The following PRPF31 variants were observed in gnomAD, a reference collection of about 807,000 sequenced individuals.
PRPF31 encodes U4/U6 small nuclear ribonucleoprotein Prp31.
A neutral mutation model predicts 60.4 loss-of-function variants in PRPF31; 12 were observed. The ratio of observed to expected loss-of-function variants is 0.20; its 90% CI spans 0.13 to 0.32. The LOEUF (loss-of-function observed/expected upper bound fraction) is 0.32, where lower values mean the gene tolerates loss of function less well. PRPF31 is among the 10% of genes least tolerant of loss of function. The probability of loss-of-function intolerance (pLI) is 1.00; values close to 1 mark genes in which losing one functional copy is unlikely to be tolerated. For missense variants in PRPF31, 431 were observed against 687.1 expected (o/e 0.63, Z 4.17); for synonymous variants, 287 against 287.9 (o/e 1.00, Z 0.03).
At chr19:54,126,254 GTC>G (rs1349770129) in intron 8 of PRPF31, among the ~76,000 whole-genome samples, 1 of 152,190 alleles carries the variant, frequency 6.6e-6, no homozygotes, top group Non-Finnish European at 1.5e-5. Context: ...TCCCCCCGGC[GTC>G]TCCACAGTCA....
intron 6 of PRPF31, 47 bp from the exon 7 acceptor site, chr19:54,123,702 C>A (rs1180025185): frequency 6.3e-7 from 1 of 1,593,888 alleles, no homozygotes. Flanking sequence ...GCTGGGCACA[C>A]CAGGCAGGCG....
intron 13 of PRPF31, among the ~76,000 whole-genome samples, chr19:54,130,636 AAAG>A (rs1473599465): frequency 2.0e-5 from 3 of 150,548 alleles, no homozygotes; most frequent in Non-Finnish European, 3.0e-5. Flanking sequence ...AAAAAAAAAA[AAAG>A]AAGGCAGAAA....
chr19:54,125,100 AG>A (rs2073888008), intron 8 of PRPF31: 1 of 258,518 alleles, frequency 3.9e-6, no homozygotes, highest in Non-Finnish European at 7.7e-6. Flanking sequence ...GACACACAGG[AG>A]GGGCAGGAGA....
At chr19:54,116,202 GTTGT>G (rs587659090) in intron 1 of PRPF31, among the ~76,000 whole-genome samples, 13 of 142,598 alleles carry the variant, frequency 9.1e-5, no homozygotes, top group South Asian at 2.3e-4. Flanking sequence ...CGCCTGGCCA[GTTGT>G]TTGTTTGTTT....
At chr19:54,122,433 T>TAGGGCCAACCAGCAG in intron 4 of PRPF31, 64 bp from the exon 5 acceptor site, 1 of 1,263,358 alleles carries the variant, frequency 7.9e-7, no homozygotes, top group Non-Finnish European at 1.2e-6. Context: ...ACATGGGTGT[T>TAGGGCCAACCAGCAG]AGGGCCAACC....
chr19:54,118,514 G>A (rs1371103929), intron 2 of PRPF31, 59 bp downstream of exon 2: 8 of 1,613,682 alleles, frequency 5.0e-6, no homozygotes, highest in Non-Finnish European at 3.4e-6. Context: ...CCAGAAGGGG[G>A]TGATACAGGC....
chr19:54,120,983 G>A (rs1321719908), intron 3 of PRPF31, among the ~76,000 whole-genome samples: 3 of 152,096 alleles, frequency 2.0e-5, no homozygotes, highest in Non-Finnish European at 4.4e-5. Context: ...CTGGGGAGAG[G>A]GAGCAGCACA....
At chr19:54,121,302 TCAA>T (rs2073782007) in intron 3 of PRPF31, among the ~76,000 whole-genome samples, 1 of 44,412 alleles carries the variant, frequency 2.3e-5, no homozygotes, top group Admixed American at 2.5e-4. Context: ...AAATTATGTC[TCAA>T]AAAAAAAAAA....
At chr19:54,118,746 T>C in intron 3 of PRPF31, 113 bp downstream of exon 3, 1 of 1,064,714 alleles carries the variant, frequency 9.4e-7, no homozygotes. Context: ...TTCCAGAGCC[T>C]TCTTTTTTTT....
At chr19:54,128,582 G>A (rs1326699828) in intron 11 of PRPF31, among the ~76,000 whole-genome samples, 4 of 143,046 alleles carry the variant, frequency 2.8e-5, no homozygotes, top group African/African-American at 5.1e-5. Context: ...CTGTGTCTCC[G>A]CTGCTTAGAG....
chr19:54,116,051 C>T (rs1477053992), intron 1 of PRPF31, among the ~76,000 whole-genome samples: 1 of 151,030 alleles, frequency 6.6e-6, no homozygotes, highest in Non-Finnish European at 1.5e-5. Flanking sequence ...TACAGGCGCC[C>T]GCCACCACCC....
chr19:54,129,109 G>A lies in PRPF31; in HGVS notation c.1199G>A (p.Gly400Asp). 1 of 1,581,584 alleles carries A rather than the reference G, an allele frequency of 6.3e-7. No individual in the cohort carries two copies. The highest frequency in any genetic ancestry group is 8.6e-7 in the Non-Finnish European group (1 of 1,164,790). The change falls in exon 12 of 14, where the codon GGC (glycine) becomes GAC (aspartate). Residue 400 changes from glycine (G) to aspartate (D), a missense_variant. Physicochemically the swap from Gly to Asp is moderately conservative, Grantham distance 94. Coordinates refer to ENST00000321030, the MANE Select transcript of PRPF31 (RefSeq NM_015629.4). ...CTGGGATTCAGCCTGGGCCACCTGG[G>A]CAAGTCGGGCAGTGGGCGTGTGCGG... Reference protein sequence around the residue: ...EDLGFSLGHLGKSGSGRVRQT... With the variant: ...EDLGFSLGHLDKSGSGRVRQT...
chr19:54,128,501 C>CG, intron 11 of PRPF31, 124 bp downstream of exon 11: 3 of 978,996 alleles, frequency 3.1e-6, no homozygotes, highest in Non-Finnish European at 3.1e-6. Context: ...CTGCCCCAGC[C>CG]TCCCCCCCCC....
At chr19:54,116,485 C>T (rs192712774) in intron 1 of PRPF31, among the ~76,000 whole-genome samples, 1 of 152,308 alleles carries the variant, frequency 6.6e-6, no homozygotes, top group African/African-American at 2.4e-5. Context: ...GGATTACAGG[C>T]ATGAGCCACC....
Position 54,126,587 on chromosome 19 carries a change from G to A in PRPF31, c.915G>A (p.Val305=), listed in dbSNP as rs140370948. Residue 305 remains valine (V), a synonymous_variant, in exon 9 of 14, where the codon GTG becomes GTA. Coordinates refer to ENST00000321030, the MANE Select transcript of PRPF31 (RefSeq NM_015629.4). The part of the protein sequence containing the change: ...VAAKCTLAAR[V]DSFHESTEGK... Reference sequence around the variant, plus strand: ...CCAAGTGCACACTGGCAGCCCGTGTGGACAGTTTCCACGAGAGCACAGAAG... The same window carrying A: ...CCAAGTGCACACTGGCAGCCCGTGTAGACAGTTTCCACGAGAGCACAGAAG... The A allele has an allele frequency of 3.2e-4, 523 of 1,613,718 alleles. 1 individual carries two copies. In the African/African-American group the frequency reaches 5.6e-3, roughly 17 times the overall value.
intron 3 of PRPF31, chr19:54,118,898 A>T: frequency 1.9e-6 from 1 of 532,672 alleles, no homozygotes. Flanking sequence ...ACTGATTCAC[A>T]TGACCGGTTA....
At position 54,123,936 on chromosome 19, in the gene PRPF31, G is replaced by A. The variant is rs1200495506; in HGVS notation, c.697+18G>A. 2 of 1,612,794 alleles carry A rather than the reference G, an allele frequency of 1.2e-6. No homozygotes were observed. The highest frequency in any genetic ancestry group is 1.7e-6 in the Non-Finnish European group (2 of 1,180,002). On this transcript the variant is annotated intron_variant, in intron 7 of 13. Transcript: ENST00000321030. Reference sequence around the variant, plus strand: ...GATCATGGGTGAGTCCCCGGGCTGGGTCCCATGGAGCGGGGGTCTGCTGAC... The same window carrying A: ...GATCATGGGTGAGTCCCCGGGCTGGATCCCATGGAGCGGGGGTCTGCTGAC...
chr19:54,117,366 A>AT (rs2095724503), intron 1 of PRPF31, among the ~76,000 whole-genome samples: 1 of 152,146 alleles, frequency 6.6e-6, no homozygotes, highest in African/African-American at 2.4e-5. Context: ...GGAACTTTGA[A>AT]TGGGAGGCAT....
rs1444917497 is a variant in PRPF31 at position 54,129,191 on chromosome 19, G to A, written c.1275+6G>A. On this transcript the variant is annotated splice_donor_region_variant and intron_variant, in intron 12 of 13. Transcript: ENST00000321030. Reference sequence around the variant, plus strand: ...GGATCTCCAAGACGCTGCAGGTATGGGCCAGACCCAGGTGGGGCTGGGGAC... The same window carrying A: ...GGATCTCCAAGACGCTGCAGGTATGAGCCAGACCCAGGTGGGGCTGGGGAC... 4 of 1,591,436 alleles carry A rather than the reference G, an allele frequency of 2.5e-6. No homozygotes were observed. Among genetic ancestry groups the A allele is most frequent in the Non-Finnish European group, 3.4e-6 (4 of 1,169,370 alleles).
Sources: gnomAD v4.1 joint callset for allele counts (sites outside exome capture counted in the v4.1 genomes callset) on GRCh38, gnomAD v4.1.1 for gene constraint, MANE v1.5 for transcripts, NCBI Gene and HGNC (gene_info 2026-07-23, HGNC 2026-07-21) for gene names.